The following FRRS1L variants were observed in gnomAD, a reference collection of about 807,000 sequenced individuals.
The protein encoded by FRRS1L is DOMON domain-containing protein FRRS1L.
FRRS1L carries 22 observed loss-of-function variants against 28.6 expected under a neutral mutation model. The observed-to-expected ratio is 0.77, with a 90% CI of 0.55 to 1.10. The LOEUF (loss-of-function observed/expected upper bound fraction) is 1.10, where lower values mean the gene tolerates loss of function less well. Among genes scored for constraint, FRRS1L ranks in the 50% least tolerant of loss-of-function variants. The pLI, the probability that FRRS1L is intolerant of heterozygous loss-of-function variation, is 0.00. For synonymous variants in FRRS1L, 158 were observed against 151.4 expected (o/e 1.04, Z -0.32); for missense variants, 380 against 386.9 (o/e 0.98, Z 0.15).
Position 109,133,226 on chromosome 9 carries a change from T to G in FRRS1L, c.*4229A>C, listed in dbSNP as rs1831075676. On this transcript the variant is annotated 3_prime_UTR_variant, in exon 5 of 5. Coordinates refer to ENST00000561981, the MANE Select transcript of FRRS1L (RefSeq NM_014334.4). ...GAAGACCTAGGTTTTAGGCAATTTC[T>G]TTTAAATTGTTACATTGTTAAAAAT... is the stretch of plus-strand genomic sequence containing the variant. 1 of 152,258 alleles carries G rather than the reference T, an allele frequency of 6.6e-6. No homozygotes were observed. Among genetic ancestry groups the G allele is most frequent in the Non-Finnish European group, 1.5e-5 (1 of 68,044 alleles). 9.4% of individuals were successfully genotyped at this position (152,258 alleles called of 1,614,324 possible). A position where few individuals can be genotyped will look rare whatever the true frequency, so the allele number is the denominator to read the frequency against.
intron 1 of FRRS1L, among the ~76,000 whole-genome samples, chr9:109,155,641 T>C (rs137998160): frequency 2.7e-5 from 4 of 148,746 alleles, no homozygotes; most frequent in African/African-American, 1.0e-4. Flanking sequence ...GAGGTGGAGG[T>C]TGCAGTGAGC....
intron 1 of FRRS1L, among the ~76,000 whole-genome samples, chr9:109,162,045 G>C (rs1470737566): frequency 3.9e-5 from 6 of 152,212 alleles, no homozygotes; most frequent in Admixed American, 3.9e-4. Context: ...GCCAGACATG[G>C]TGGCTCACGC....
At chr9:109,161,182 T>C (rs987717288) in intron 1 of FRRS1L, among the ~76,000 whole-genome samples, 6 of 124,568 alleles carry the variant, frequency 4.8e-5, no homozygotes, top group African/African-American at 1.5e-4. Context: ...TCTTGAGACA[T>C]ATGTGTTGAA....
At position 109,134,184 on chromosome 9, in the gene FRRS1L, A is replaced by T. The variant is rs1372494521; in HGVS notation, c.*3271T>A. The T allele has an allele frequency of 6.6e-6, 1 of 152,218 alleles. No homozygotes were observed. Among genetic ancestry groups the T allele is most frequent in the Non-Finnish European group, 1.5e-5 (1 of 68,036 alleles). 9.4% of individuals were successfully genotyped at this position (152,218 alleles called of 1,614,324 possible). A position where few individuals can be genotyped will look rare whatever the true frequency, so the allele number is the denominator to read the frequency against. On this transcript the variant is annotated 3_prime_UTR_variant, in exon 5 of 5. Transcript: ENST00000561981. ...TCTGAACCAAACAAACTTGCCATAG[A>T]AGTATAGTTTCACATATAGATTCAT... is the stretch of plus-strand genomic sequence containing the variant.
At chr9:109,158,575 A>G (rs902208621) in intron 1 of FRRS1L, among the ~76,000 whole-genome samples, 3 of 152,184 alleles carry the variant, frequency 2.0e-5, no homozygotes, top group African/African-American at 7.2e-5. Flanking sequence ...TTTTATATCA[A>G]TGGAATCATA....
At chr9:109,152,399 C>T (rs1024195797) in intron 1 of FRRS1L, among the ~76,000 whole-genome samples, 1 of 152,070 alleles carries the variant, frequency 6.6e-6, no homozygotes, top group Non-Finnish European at 1.5e-5. Context: ...CCGCCTGCCT[C>T]AGCCTCCCAA....
At chr9:109,157,869 TGGTTTTCTTA>T (rs1831431095) in intron 1 of FRRS1L, among the ~76,000 whole-genome samples, 1 of 152,266 alleles carries the variant, frequency 6.6e-6, no homozygotes. Flanking sequence ...ACTGTCATCT[TGGTTTTCTTA>T]TGGTTCATCT....
chr9:109,165,945 G>C (rs930215515), intron 1 of FRRS1L, among the ~76,000 whole-genome samples: 2 of 152,208 alleles, frequency 1.3e-5, no homozygotes, highest in African/African-American at 4.8e-5. Context: ...CTCCAGACCA[G>C]TTCTGGATTA....
At chr9:109,149,598 C>T (rs778105930) in intron 2 of FRRS1L, 38 bp downstream of exon 2, 8 of 1,371,170 alleles carry the variant, frequency 5.8e-6, no homozygotes, top group Middle Eastern at 3.5e-4. Context: ...GTAAATCAGT[C>T]TTAGCCTTAA....
In FRRS1L at chr9:109,134,147, A is replaced by G. The variant is rs1207263243; in HGVS notation, c.*3308T>C. ...GTTGGCCAGTCTCCCAATATACATG[A>G]AATGCAAGCCTTCTGAACCAAACAA... On this transcript the variant is annotated 3_prime_UTR_variant, in exon 5 of 5. Transcript: ENST00000561981. The G allele has an allele frequency of 6.6e-6, 1 of 152,238 alleles. No individual in the cohort carries two copies. The highest frequency in any genetic ancestry group is 2.4e-5 in the African/African-American group (1 of 41,464). The allele number at this position is 152,238 out of a possible 1,614,324, so 9.4% of individuals were successfully genotyped here.
At chr9:109,145,143 T>G (rs1042305968) in intron 3 of FRRS1L, among the ~76,000 whole-genome samples, 2 of 152,106 alleles carry the variant, frequency 1.3e-5, no homozygotes, top group African/African-American at 4.8e-5. Context: ...TCTCATAGTT[T>G]GGGAACAAGC....
At chr9:109,156,712 G>A (rs964253083) in intron 1 of FRRS1L, among the ~76,000 whole-genome samples, 66 of 144,192 alleles carry the variant, frequency 4.6e-4, no homozygotes, top group Non-Finnish European at 7.9e-4. Flanking sequence ...TTTTTGAGAC[G>A]GGGTCTTGCT....
At chr9:109,142,813 T>TA (rs1210528307) in intron 3 of FRRS1L, among the ~76,000 whole-genome samples, 1,930 of 82,440 alleles carry the variant, frequency 0.023, 48 homozygotes, top group African/African-American at 0.062. Flanking sequence ...TCTCAAAAAA[T>TA]AAAAATAAAA....
Position 109,135,959 on chromosome 9 carries a change from G to T in FRRS1L, c.*1496C>A, listed in dbSNP as rs1396009667. On this transcript the variant is annotated 3_prime_UTR_variant, in exon 5 of 5. Transcript: ENST00000561981. ...ATAACACATTTTTAGGCCAGGCACG[G>T]TGGCTCACACCTGTAATCCTAGCAC... The T allele has an allele frequency of 6.6e-6, 1 of 151,880 alleles. No individual in the cohort carries two copies. Among genetic ancestry groups the T allele is most frequent in the Non-Finnish European group, 1.5e-5 (1 of 67,998 alleles). The allele number at this position is 151,880 out of a possible 1,614,324, so 9.4% of individuals were successfully genotyped here. A position where few individuals can be genotyped will look rare whatever the true frequency, so the allele number is the denominator to read the frequency against.
intron 1 of FRRS1L, among the ~76,000 whole-genome samples, chr9:109,165,545 T>C (rs759569035): frequency 1.3e-5 from 2 of 152,232 alleles, no homozygotes; most frequent in Admixed American, 1.3e-4. Context: ...AACCACTATA[T>C]GTTAAAATCT....
chr9:109,163,120 A>G (rs1831499831), intron 1 of FRRS1L, among the ~76,000 whole-genome samples: 1 of 152,228 alleles, frequency 6.6e-6, no homozygotes, highest in African/African-American at 2.4e-5. Context: ...CCCTTAGCCA[A>G]CATCCAACTC....
In FRRS1L at chr9:109,166,974, C is replaced by T; in HGVS notation, c.165G>A (p.Ala55=). The T allele has an allele frequency of 2.3e-6, 3 of 1,314,872 alleles. No homozygotes were observed. The highest frequency in any genetic ancestry group is 2.9e-6 in the Non-Finnish European group (3 of 1,024,928). 81.5% of individuals were successfully genotyped at this position (1,314,872 alleles called of 1,614,324 possible). A position where few individuals can be genotyped will look rare whatever the true frequency, so the allele number is the denominator to read the frequency against. Residue 55 remains alanine, a synonymous_variant, in exon 1 of 5, where the codon GCG becomes GCA. Coordinates refer to ENST00000561981, the MANE Select transcript of FRRS1L (RefSeq NM_014334.4). ...CGTAGGAGGAGTCGTGGCGCGGCACCGCCTCGTCGGCGCCCGTGTCCCCCC... is the reference window on the plus strand; with the variant it reads ...CGTAGGAGGAGTCGTGGCGCGGCACTGCCTCGTCGGCGCCCGTGTCCCCCC... ...RARGDTGADE[A]VPRHDSSYGT...
intron 1 of FRRS1L, among the ~76,000 whole-genome samples, chr9:109,152,375 G>A (rs1400385209): frequency 6.6e-6 from 1 of 151,704 alleles, no homozygotes; most frequent in African/African-American, 2.4e-5. Context: ...GTCTCGAACT[G>A]CTGACCTCGT....
At chr9:109,145,154 C>G (rs1429905871) in intron 3 of FRRS1L, among the ~76,000 whole-genome samples, 1 of 152,150 alleles carries the variant, frequency 6.6e-6, no homozygotes, top group Non-Finnish European at 1.5e-5. Context: ...GGGAACAAGC[C>G]TGGCCCAGTG....
Sources: gnomAD v4.1 joint callset for allele counts (sites outside exome capture counted in the v4.1 genomes callset) on GRCh38, gnomAD v4.1.1 for gene constraint, MANE v1.5 for transcripts, NCBI Gene and HGNC (gene_info 2026-07-23, HGNC 2026-07-21) for gene names.